CAPN13: variants seen among roughly 807,000 people sequenced by gnomAD.
The protein encoded by CAPN13 is calpain 13.
In CAPN13, 90 loss-of-function variants were observed where a neutral mutation model predicts 98.4. The observed-to-expected ratio is 0.92, with a 90% CI of 0.77 to 1.09. The LOEUF is 1.09. Among genes scored for constraint, CAPN13 ranks in the 50% least tolerant of loss-of-function variants. The probability of loss-of-function intolerance (pLI) is 0.00; values close to 1 mark genes in which losing one functional copy is unlikely to be tolerated. For synonymous variants in CAPN13, 330 were observed against 305.5 expected (o/e 1.08, Z -0.84); for missense variants, 887 against 841.3 (o/e 1.05, Z -0.67).
intron 3 of CAPN13, among the ~76,000 whole-genome samples, chr2:30,777,154 C>T (rs1673740826): frequency 6.6e-6 from 1 of 152,222 alleles, no homozygotes; most frequent in African/African-American, 2.4e-5. Flanking sequence ...TCCTGTTTCC[C>T]TGTCCATGCC....
intron 1 of CAPN13, among the ~76,000 whole-genome samples, chr2:30,800,571 C>T (rs946610982): frequency 1.3e-5 from 2 of 152,208 alleles, no homozygotes; most frequent in Non-Finnish European, 2.9e-5. Flanking sequence ...TCGGTCTCCC[C>T]ACTTGGAACA....
Position 30,802,066 on chromosome 2 carries a change from G to C in CAPN13, c.-33+5236C>G, listed in dbSNP as rs116879766. On this transcript the variant is annotated intron_variant, in intron 1 of 22. Transcript: ENST00000295055. ...ATGGACCCCTGGCCCGGTTACCTGGGCATCCCAGTCTGTGCCTGGCCATTC... is the reference window on the plus strand; with the variant it reads ...ATGGACCCCTGGCCCGGTTACCTGGCCATCCCAGTCTGTGCCTGGCCATTC... Among the ~76,000 whole-genome samples the C allele has an allele frequency of 7.8e-3, 1,186 of 152,294 alleles. 23 individuals carry two copies. In the East Asian group the frequency reaches 0.091, roughly 12 times the overall value.
intron 2 of CAPN13, among the ~76,000 whole-genome samples, chr2:30,780,179 C>T (rs981125136): frequency 1.3e-5 from 2 of 152,188 alleles, no homozygotes; most frequent in African/African-American, 2.4e-5. Context: ...CTTACAGGTA[C>T]ATGCAGTTTT....
intron 20 of CAPN13, 48 bp downstream of exon 20, chr2:30,732,390 T>C (rs770389174): frequency 6.2e-7 from 1 of 1,609,006 alleles, no homozygotes; most frequent in Non-Finnish European, 8.5e-7. Flanking sequence ...TCTCCTGTGT[T>C]CTTCGGTCAC....
In CAPN13 at chr2:30,771,243, C is replaced by G. The variant is rs1285965366; in HGVS notation, c.388-794G>C. Reference sequence around the variant, plus strand: ...TTTTTGGATTCTCTTTGCTGGCCTCCCCTGTGTACGAGAAGCAGCAGGGCT... The same window carrying G: ...TTTTTGGATTCTCTTTGCTGGCCTCGCCTGTGTACGAGAAGCAGCAGGGCT... On this transcript the variant is annotated intron_variant, in intron 4 of 22. Transcript: ENST00000295055. Among the ~76,000 whole-genome samples, 3 of 152,168 alleles carry G rather than the reference C, an allele frequency of 2.0e-5. 1 individual carries two copies. In the South Asian group the frequency reaches 6.2e-4, roughly 32 times the overall value.
intron 5 of CAPN13, among the ~76,000 whole-genome samples, chr2:30,766,590 C>A (rs1572843827): frequency 6.6e-6 from 1 of 152,216 alleles, no homozygotes; most frequent in African/African-American, 2.4e-5. Flanking sequence ...ACCGCAGCCA[C>A]CACTATTCCT....
intron 22 of CAPN13, chr2:30,729,710 TAC>T (rs1670992936): frequency 6.6e-6 from 1 of 152,250 alleles, no homozygotes. Flanking sequence ...ATATTTATGC[TAC>T]AACATTATTT....
At position 30,737,966 on chromosome 2, in the gene CAPN13, GACACACACACACACACACACAC is replaced by G. The variant is rs71831494; in HGVS notation, c.1653+247_1653+268del. ...GAGGGATTGCTTCAAGAATTATAAG[GACACACACACACACACACACAC>G]ACACACACACACACACACCCCAGTA... On this transcript the variant is annotated intron_variant, in intron 17 of 22. Transcript: ENST00000295055. 4.8e-5 allele frequency: 18 copies of G among 373,496 alleles called. 1 individual carries two copies. Among genetic ancestry groups the G allele is most frequent in the African/African-American group, 2.6e-4 (12 of 45,986 alleles). 23.1% of individuals were successfully genotyped at this position (373,496 alleles called of 1,614,324 possible).
At chr2:30,736,389 G>T in intron 18 of CAPN13, 114 bp downstream of exon 18, 1 of 1,012,342 alleles carries the variant, frequency 9.9e-7, no homozygotes. Context: ...TGAGGGCAGG[G>T]GTGAGAGTTC....
intron 1 of CAPN13, among the ~76,000 whole-genome samples, chr2:30,789,534 A>G (rs1418905974): frequency 6.6e-6 from 1 of 152,184 alleles, no homozygotes; most frequent in Admixed American, 6.5e-5. Context: ...ATATGCGAGG[A>G]TCAGTTCCTA....
Position 30,732,444 on chromosome 2 carries a change from T to A in CAPN13, c.1921A>T (p.Met641Leu), listed in dbSNP as rs756818209. The A allele has an allele frequency of 7.4e-6, 12 of 1,613,296 alleles. No homozygotes were observed. In the East Asian group the frequency reaches 2.2e-4, roughly 30 times the overall value. ...GCCCCTTGGGGACACTTACTTGCCATGGCTTCAAGCCGCATCAGGAAGCAG... is the reference window on the plus strand; with the variant it reads ...GCCCCTTGGGGACACTTACTTGCCAAGGCTTCAAGCCGCATCAGGAAGCAG... ...LVCFLMRLEA[M>L]AKTFRNLSKD... Residue 641 changes from methionine (M) to leucine (L), a missense_variant, in exon 20 of 23, where the codon ATG (methionine) becomes TTG (leucine). Physicochemically the swap from Met to Leu is conservative, Grantham distance 15. Coordinates refer to ENST00000295055, the MANE Select transcript of CAPN13 (RefSeq NM_144575.3).
intron 18 of CAPN13, among the ~76,000 whole-genome samples, chr2:30,734,913 T>C (rs1400068712): frequency 6.6e-6 from 1 of 152,214 alleles, no homozygotes; most frequent in African/African-American, 2.4e-5. Flanking sequence ...CCTTTGGCCA[T>C]GACTTAATCT....
At chr2:30,744,382 A>G (rs940971044) in intron 12 of CAPN13, among the ~76,000 whole-genome samples, 1 of 152,234 alleles carries the variant, frequency 6.6e-6, no homozygotes, top group Non-Finnish European at 1.5e-5. Context: ...GGCATCTCCA[A>G]CGCGATTCTG....
At chr2:30,777,680 C>G (rs905368144) in intron 2 of CAPN13, 41 bp from the exon 3 acceptor site, 2 of 1,432,320 alleles carry the variant, frequency 1.4e-6, no homozygotes, top group East Asian at 4.9e-5. Context: ...ATCGTTTATT[C>G]CTTTGTATCC....
intron 10 of CAPN13, among the ~76,000 whole-genome samples, chr2:30,752,285 A>G (rs1056930377): frequency 6.6e-6 from 1 of 152,164 alleles, no homozygotes; most frequent in African/African-American, 2.4e-5. Flanking sequence ...ACACACAACA[A>G]ACACACTCAC....
chr2:30,759,024 TTCCTTCCCTCCCTCCCTCCTTC>T (rs1672651716), intron 7 of CAPN13, among the ~76,000 whole-genome samples: 1 of 61,828 alleles, frequency 1.6e-5, no homozygotes, highest in Non-Finnish European at 3.3e-5. Context: ...GCTCCTATTC[TTCCTTCCCTCCCTCCCTCCTTC>T]CTTCCTTCCC....
intron 1 of CAPN13, among the ~76,000 whole-genome samples, chr2:30,790,136 T>C (rs1674527746): frequency 6.6e-6 from 1 of 152,338 alleles, no homozygotes; most frequent in African/African-American, 2.4e-5. Context: ...GGGAACAGCC[T>C]GTAGGCTCAT....
chr2:30,762,860 T>A (rs1425377675), intron 7 of CAPN13, among the ~76,000 whole-genome samples: 2 of 152,290 alleles, frequency 1.3e-5, no homozygotes, highest in East Asian at 3.9e-4. Context: ...GACAGCAACA[T>A]CTCTGGTGGG....
At chr2:30,806,103 A>G (rs75399375) in intron 1 of CAPN13, 1,834 of 152,184 alleles carry the variant, frequency 0.012, 32 homozygotes, top group African/African-American at 0.042. Context: ...TCTTCATAGC[A>G]TCTTTTCTTC....
Sources: gnomAD v4.1 joint callset for allele counts (sites outside exome capture counted in the v4.1 genomes callset) on GRCh38, gnomAD v4.1.1 for gene constraint, MANE v1.5 for transcripts, NCBI Gene and HGNC (gene_info 2026-07-23, HGNC 2026-07-21) for gene names.